Variants in ECT2 observed in about 807,000 individuals in gnomAD.
The protein encoded by ECT2 is protein ECT2.
In ECT2, 61 loss-of-function variants were observed where a neutral mutation model predicts 116.9. The ratio of observed to expected loss-of-function variants is 0.52; its 90% CI spans 0.42 to 0.65. ECT2 has a LOEUF of 0.65. Among genes scored for constraint, ECT2 ranks in the 30% least tolerant of loss-of-function variants. The probability of loss-of-function intolerance (pLI) is 0.00; values close to 1 mark genes in which losing one functional copy is unlikely to be tolerated. For synonymous variants in ECT2, 358 were observed against 346.4 expected (o/e 1.03, Z -0.37); for missense variants, 937 against 1,078.7 (o/e 0.87, Z 1.84).
chr3:172,786,721 A>G (rs1723668968), intron 18 of ECT2, 147 bp downstream of exon 18: 1 of 589,856 alleles, frequency 1.7e-6, no homozygotes, highest in Admixed American at 3.0e-5. Flanking sequence ...ACACATTAAA[A>G]TGAAGTATTG....
At chr3:172,820,065 A>C (rs1051407264) in intron 24 of ECT2, 83 bp from the exon 25 acceptor site, 16 of 919,514 alleles carry the variant, frequency 1.7e-5, no homozygotes, top group Non-Finnish European at 2.4e-5. Flanking sequence ...AAATGTAAAA[A>C]TAATAGGCAT....
At chr3:172,773,419 T>C (rs1053970278) in intron 13 of ECT2, among the ~76,000 whole-genome samples, 3 of 152,248 alleles carry the variant, frequency 2.0e-5, no homozygotes, top group Non-Finnish European at 4.4e-5. Flanking sequence ...TTTTTTTCTT[T>C]TACTTTTTAG....
intron 14 of ECT2, among the ~76,000 whole-genome samples, chr3:172,776,191 G>GTTTTTTTTTTT (rs1294531373): frequency 1.0e-4 from 11 of 106,978 alleles, no homozygotes; most frequent in African/African-American, 4.4e-4. Context: ...TAGTTTTTCA[G>GTTTTTTTTTTT]TTTTTTCTTT....
chr3:172,760,130 C>A, intron 6 of ECT2, 26 bp from the exon 7 acceptor site: 1 of 1,503,480 alleles, frequency 6.7e-7, no homozygotes, highest in Non-Finnish European at 9.1e-7. Context: ...ACCATAAAGT[C>A]AGTGTTGCTT....
chr3:172,825,457 G>A (rs559861656), downstream of ECT2, among the ~76,000 whole-genome samples: 29 of 152,274 alleles, frequency 1.9e-4, no homozygotes, highest in East Asian at 5.6e-3. Context: ...GCTAATAGCC[G>A]AGTTGTGAAT....
Position 172,805,664 on chromosome 3 carries a change from A to ATCC in ECT2, c.2107-66_2107-65insCCT, listed in dbSNP as rs1488306533. 4 of 1,471,350 alleles carry ATCC rather than the reference A, an allele frequency of 2.7e-6. No homozygotes were observed. In the East Asian group the frequency reaches 9.4e-5, roughly 35 times the overall value. The allele number at this position is 1,471,350 out of a possible 1,614,324, so 91.1% of individuals were successfully genotyped here. A position where few individuals can be genotyped will look rare whatever the true frequency, so the allele number is the denominator to read the frequency against. On this transcript the variant is annotated intron_variant, in intron 20 of 24. Coordinates refer to ENST00000392692, the MANE Select transcript of ECT2 (RefSeq NM_001258315.2). ...AGATTTATGTGATTAGTGCTATTTTATTTTTTAAGTATTTGGTCCTTTTTC... is the reference window on the plus strand; with the variant it reads ...AGATTTATGTGATTAGTGCTATTTTATCCTTTTTTAAGTATTTGGTCCTTTTTC...
intron 12 of ECT2, among the ~76,000 whole-genome samples, 155 bp from the exon 13 acceptor site, chr3:172,768,852 C>T (rs1455837144): frequency 6.6e-6 from 1 of 152,070 alleles, no homozygotes; most frequent in African/African-American, 2.4e-5. Context: ...TTTTTTCTGG[C>T]CTTAGCCTAT....
At chr3:172,764,751 G>T (rs1465524398) in intron 12 of ECT2, among the ~76,000 whole-genome samples, 1 of 152,180 alleles carries the variant, frequency 6.6e-6, no homozygotes, top group Non-Finnish European at 1.5e-5. Context: ...TTTTACAGAT[G>T]ACTAAACTGA....
At chr3:172,798,139 A>G (rs895255095) in intron 18 of ECT2, among the ~76,000 whole-genome samples, 1 of 152,182 alleles carries the variant, frequency 6.6e-6, no homozygotes, top group Non-Finnish European at 1.5e-5. Context: ...GTTGTGTAAA[A>G]GACATTGACA....
intron 13 of ECT2, among the ~76,000 whole-genome samples, chr3:172,770,055 G>A (rs1720314043): frequency 6.6e-6 from 1 of 152,160 alleles, no homozygotes; most frequent in Non-Finnish European, 1.5e-5. Flanking sequence ...CTTCTTACTT[G>A]ATGGTCATAG....
chr3:172,775,144 C>T (rs1721415810), intron 14 of ECT2, among the ~76,000 whole-genome samples: 1 of 143,250 alleles, frequency 7.0e-6, no homozygotes, highest in African/African-American at 2.4e-5. Context: ...AACTCTTAAA[C>T]TACTTTTTAA....
intron 22 of ECT2, 42 bp from the exon 23 acceptor site, chr3:172,815,562 T>G: frequency 8.0e-7 from 1 of 1,246,442 alleles, no homozygotes; most frequent in Non-Finnish European, 1.1e-6. Flanking sequence ...TTAGAAACAG[T>G]TGTGTGTTTT....
intron 13 of ECT2, 147 bp downstream of exon 13, chr3:172,769,290 T>C (rs1720169023): frequency 1.3e-6 from 1 of 747,016 alleles, no homozygotes; most frequent in South Asian, 2.2e-5. Flanking sequence ...CAAAAACTGC[T>C]GTTAGGGAAA....
intron 18 of ECT2, among the ~76,000 whole-genome samples, chr3:172,788,640 A>T (rs80234288): frequency 0.014 from 2,197 of 152,332 alleles, 80 homozygotes; most frequent in Admixed American, 0.069. Context: ...AAAGCAAGTC[A>T]TGTAAATTTT....
intron 18 of ECT2, among the ~76,000 whole-genome samples, chr3:172,786,853 A>C (rs1030514089): frequency 6.6e-6 from 1 of 152,048 alleles, no homozygotes; most frequent in Non-Finnish European, 1.5e-5. Context: ...TCTTCATATA[A>C]CTCTAGTCAT....
chr3:172,781,227 G>A (rs569456615), intron 14 of ECT2, among the ~76,000 whole-genome samples: 2 of 152,236 alleles, frequency 1.3e-5, no homozygotes, highest in East Asian at 3.8e-4. Context: ...TTAGTAAGGG[G>A]AGTGGTAGTA....
At chr3:172,792,260 T>C (rs1396610841) in intron 18 of ECT2, among the ~76,000 whole-genome samples, 1 of 152,196 alleles carries the variant, frequency 6.6e-6, no homozygotes, top group Admixed American at 6.5e-5. Context: ...GAAGTAAGCA[T>C]GTACTGTTAG....
intron 2 of ECT2, among the ~76,000 whole-genome samples, chr3:172,755,082 A>G (rs981828330): frequency 1.3e-5 from 2 of 151,814 alleles, no homozygotes; most frequent in African/African-American, 4.8e-5. Flanking sequence ...TGATGTTTGT[A>G]TACCCTGCTA....
At chr3:172,823,244 A>C (rs2109458340), downstream of ECT2, among the ~76,000 whole-genome samples, 1 of 152,308 alleles carries the variant, frequency 6.6e-6, no homozygotes, top group Non-Finnish European at 1.5e-5. Flanking sequence ...AACAGGTCAC[A>C]GAAAAATGTA....
Sources: gnomAD v4.1 joint callset for allele counts (sites outside exome capture counted in the v4.1 genomes callset) on GRCh38, gnomAD v4.1.1 for gene constraint, MANE v1.5 for transcripts, NCBI Gene and HGNC (gene_info 2026-07-23, HGNC 2026-07-21) for gene names.